The following RBFOX1 variants were observed in gnomAD, a reference collection of about 807,000 sequenced individuals.
The protein encoded by RBFOX1 is RNA binding fox-1 homolog 1.
Under a neutral mutation model 57.7 loss-of-function variants are expected in RBFOX1, and 8 were observed. The observed-to-expected ratio is 0.14, with a 90% CI of 0.08 to 0.25. The LOEUF is 0.25. Ranked by LOEUF, RBFOX1 falls within the 10% of genes least tolerant of loss-of-function variation. The pLI is 1.00. For missense variants in RBFOX1, 611 were observed against 548.5 expected (o/e 1.11, Z -1.14); for synonymous variants, 326 against 222.4 (o/e 1.47, Z -4.15).
intron 2 of RBFOX1, among the ~76,000 whole-genome samples, chr16:5,486,726 A>C (rs1179151950): frequency 1.3e-5 from 2 of 151,778 alleles, no homozygotes; most frequent in Non-Finnish European, 2.9e-5. Flanking sequence ...TGGAGAAGAC[A>C]CTCATCAGGA....
intron 1 of RBFOX1, among the ~76,000 whole-genome samples, chr16:6,273,457 G>A (rs767825140): frequency 7.1e-6 from 1 of 141,204 alleles, no homozygotes; most frequent in Non-Finnish European, 1.5e-5. Context: ...CGATTCTCCT[G>A]CCTCAGCCTC....
intron 4 of RBFOX1, among the ~76,000 whole-genome samples, chr16:5,873,396 C>G (rs890142298): frequency 6.6e-6 from 1 of 152,196 alleles, no homozygotes; most frequent in Non-Finnish European, 1.5e-5. Context: ...CCAATGAGCA[C>G]TCTTGGCCTT....
At chr16:6,881,897 C>T (rs527774638) in intron 3 of RBFOX1, among the ~76,000 whole-genome samples, 2 of 152,206 alleles carry the variant, frequency 1.3e-5, no homozygotes, top group East Asian at 1.9e-4. Context: ...GCTGGAGTTG[C>T]TGTATAGCAG....
At chr16:7,568,370 C>T (rs2092360279) in intron 5 of RBFOX1, among the ~76,000 whole-genome samples, 1 of 152,158 alleles carries the variant, frequency 6.6e-6, no homozygotes, top group Non-Finnish European at 1.5e-5. Flanking sequence ...AACCTCCTGA[C>T]ATTGCCATGG....
chr16:6,898,259 A>G (rs1596515100), intron 3 of RBFOX1, among the ~76,000 whole-genome samples: 1 of 152,058 alleles, frequency 6.6e-6, no homozygotes, highest in Non-Finnish European at 1.5e-5. Flanking sequence ...AGCTGTGATC[A>G]CCTGCCATCC....
chr16:7,612,616 T>A lies in RBFOX1; in HGVS notation c.676+5278T>A, dbSNP rs922532289. Among the ~76,000 whole-genome samples the A allele has an allele frequency of 7.9e-5, 12 of 151,780 alleles. 1 individual carries two copies. The South Asian group carries it at 8.3e-4, about 11-fold the overall frequency. On this transcript the variant is annotated intron_variant, in intron 10 of 15. Coordinates refer to ENST00000550418, the MANE Select transcript of RBFOX1 (RefSeq NM_018723.4). Reference sequence around the variant, plus strand: ...TCCCTTGTCTTCTAATAAAAAAATATATATATATATTTTTAAAAGCAGTAT... The same window carrying A: ...TCCCTTGTCTTCTAATAAAAAAATAAATATATATATTTTTAAAAGCAGTAT...
At chr16:7,190,868 T>G (rs184984881) in intron 4 of RBFOX1, among the ~76,000 whole-genome samples, 1 of 152,224 alleles carries the variant, frequency 6.6e-6, no homozygotes, top group Non-Finnish European at 1.5e-5. Flanking sequence ...GATTGACTAT[T>G]CTTCAGAGGA....
intron 1 of RBFOX1, among the ~76,000 whole-genome samples, chr16:6,110,097 C>T (rs1027126385): frequency 7.2e-5 from 11 of 151,808 alleles, no homozygotes; most frequent in African/African-American, 2.7e-4. Flanking sequence ...ATATTTAATC[C>T]ATCAGCACAT....
At chr16:6,885,707 T>C (rs1234932914) in intron 3 of RBFOX1, among the ~76,000 whole-genome samples, 4 of 151,972 alleles carry the variant, frequency 2.6e-5, no homozygotes, top group African/African-American at 9.7e-5. Context: ...AATTTTTCTA[T>C]CTTTAGTAGA....
rs1175770830 is a variant in RBFOX1 at position 6,183,374 on chromosome 16, G to T, written c.-126-133621G>T. On this transcript the variant is annotated intron_variant, in intron 1 of 15. Coordinates refer to ENST00000550418, the MANE Select transcript of RBFOX1 (RefSeq NM_018723.4). The stretch of plus-strand genomic sequence containing the variant: ...ATACTCCTGTAATCCCAGCTACTCT[G>T]GAGGCTGAGGCAGGATAATAGCTTG... Among the ~76,000 whole-genome samples, 6 of 152,028 alleles carry T rather than the reference G, an allele frequency of 3.9e-5. No individual in the cohort carries two copies. In the East Asian group the frequency reaches 1.2e-3, roughly 29 times the overall value.
At chr16:5,602,328 A>C (rs2047392835), downstream of RBFOX1, among the ~76,000 whole-genome samples, 1 of 152,228 alleles carries the variant, frequency 6.6e-6, no homozygotes, top group Non-Finnish European at 1.5e-5. Flanking sequence ...ATGATTGTAC[A>C]AGTGTGAGAT....
intron 1 of RBFOX1, among the ~76,000 whole-genome samples, chr16:6,044,800 G>A (rs906970765): frequency 1.3e-5 from 2 of 152,198 alleles, no homozygotes; most frequent in Admixed American, 1.3e-4. Context: ...GCCTGTCTGG[G>A]ACACAGCCTG....
At chr16:7,382,316 T>C (rs559738966) in intron 4 of RBFOX1, among the ~76,000 whole-genome samples, 95 of 152,346 alleles carry the variant, frequency 6.2e-4, no homozygotes, top group Admixed American at 3.1e-3. Flanking sequence ...CTTAAAGCTA[T>C]CCACAGCCCT....
intron 2 of RBFOX1, among the ~76,000 whole-genome samples, chr16:5,477,175 C>T (rs374344572): frequency 6.6e-6 from 1 of 152,164 alleles, no homozygotes; most frequent in South Asian, 2.1e-4. Context: ...CCACTACATC[C>T]AGCTAATTTT....
intron 1 of RBFOX1, among the ~76,000 whole-genome samples, chr16:6,316,405 C>A (rs540882429): frequency 2.6e-4 from 39 of 152,300 alleles, no homozygotes; most frequent in African/African-American, 7.9e-4. Flanking sequence ...TGCTAGGATA[C>A]CTTGTATCAT....
At chr16:5,637,396 C>T (rs373133068) in intron 3 of RBFOX1, among the ~76,000 whole-genome samples, 2 of 152,070 alleles carry the variant, frequency 1.3e-5, no homozygotes, top group Admixed American at 1.3e-4. Flanking sequence ...CTGCTCAGCT[C>T]CTTCCCACAG....
intron 2 of RBFOX1, among the ~76,000 whole-genome samples, chr16:6,503,885 C>A (rs747630553): frequency 6.6e-6 from 1 of 152,192 alleles, no homozygotes; most frequent in African/African-American, 2.4e-5. Context: ...GCAAGCCATG[C>A]ACTGAAGGGA....
At chr16:6,740,175 C>T (rs1037527209) in intron 3 of RBFOX1, among the ~76,000 whole-genome samples, 3 of 152,134 alleles carry the variant, frequency 2.0e-5, no homozygotes, top group Non-Finnish European at 2.9e-5. Context: ...ATCACATGCT[C>T]ACATTAGCTG....
intron 2 of RBFOX1, among the ~76,000 whole-genome samples, chr16:6,536,156 A>G (rs1005632222): frequency 6.6e-6 from 1 of 152,164 alleles, no homozygotes; most frequent in African/African-American, 2.4e-5. Flanking sequence ...CAAGACCACA[A>G]TCATCACAAG....
Sources: allele counts gnomAD v4.1 joint callset (sites outside exome capture counted in the v4.1 genomes callset), GRCh38; gene constraint gnomAD v4.1.1; transcripts MANE v1.5; gene names NCBI Gene and HGNC (gene_info 2026-07-23, HGNC 2026-07-21).